Variants in BCAR1 observed in about 807,000 individuals in gnomAD.
The protein encoded by BCAR1 is BCAR1 scaffold protein, Cas family member.
In BCAR1, 30 loss-of-function variants were observed where a neutral mutation model predicts 67.6. The observed-to-expected ratio is 0.44, with a 90% CI of 0.33 to 0.60. BCAR1 has a LOEUF of 0.60. Among genes scored for constraint, BCAR1 ranks in the 20% least tolerant of loss-of-function variants. The pLI is 0.02. For synonymous variants in BCAR1, 626 were observed against 556.7 expected (o/e 1.12, Z -1.75); for missense variants, 1,313 against 1,222.3 (o/e 1.07, Z -1.11).
chr16:75,247,797 C>A, intron 1 of BCAR1: 1 of 529,220 alleles, frequency 1.9e-6, no homozygotes, highest in Non-Finnish European at 3.4e-6. Flanking sequence ...GGCCTGCACC[C>A]TTTCACCCAG....
intron 1 of BCAR1, chr16:75,263,139 G>A (rs982289455): frequency 1.3e-5 from 12 of 927,946 alleles, no homozygotes; most frequent in Admixed American, 1.2e-4. Context: ...ATCCCTCAAC[G>A]AAGGGGCACA....
rs760196468 is a variant in BCAR1, at chr16:75,235,977, C to T, written c.922G>A (p.Val308Ile). ...PPSNHHAVYD[V>I]PPSVSKDVPD... ...ACATCCTTGCTCACCGATGGAGGAACGTCGTAGACCTGGGGGACAAGCGGT... is the reference window on the plus strand; with the variant it reads ...ACATCCTTGCTCACCGATGGAGGAATGTCGTAGACCTGGGGGACAAGCGGT... Residue 308 changes from valine (V) to isoleucine (I), a missense_variant, in exon 5 of 7, where the codon GTT (valine) becomes ATT (isoleucine). Physicochemically the swap from Val to Ile is conservative, Grantham distance 29. This residue lies in a region of BCAR1 where 1,272 missense variants were observed against 1,137.5 expected (regional missense o/e 1.12). Transcript: ENST00000162330. 8.9e-6 allele frequency: 14 copies of T among 1,571,266 alleles called. No homozygotes were observed. The highest frequency in any genetic ancestry group is 2.7e-5 in the African/African-American group (2 of 74,200).
chr16:75,264,629 C>T lies in BCAR1; in HGVS notation c.66+3286G>A, dbSNP rs1379647140. The T allele has an allele frequency of 4.6e-5, 58 of 1,265,404 alleles. No homozygotes were observed. In the South Asian group the frequency reaches 6.2e-4, roughly 13 times the overall value. The allele number at this position is 1,265,404 out of a possible 1,614,324, so 78.4% of individuals were successfully genotyped here. A position where few individuals can be genotyped will look rare whatever the true frequency, so the allele number is the denominator to read the frequency against. On this transcript the variant is annotated intron_variant, in intron 1 of 6. Coordinates refer to the BCAR1 transcript ENST00000393422. ...GTAAATACATTACCACTTCTGGAGG[C>T]GAGCAGGAGCGGGCTCTTTAATTCC...
At position 75,229,967 on chromosome 16, in the gene BCAR1, C is replaced by A; in HGVS notation, c.2157G>T (p.Leu719=). ...GGGGTTGGGCTGGCGTCCAGTTGGCCAGGTCGTGGTCTATGGGCCGTGACA... is the reference window on the plus strand; with the variant it reads ...GGGGTTGGGCTGGCGTCCAGTTGGCAAGGTCGTGGTCTATGGGCCGTGACA... ...QEVSRPIDHD[L]ANWTPAQPLA... The change falls in exon 7 of 7, where the codon CTG becomes CTT. Residue 719 remains leucine (L), a synonymous_variant. Coordinates refer to ENST00000162330, the MANE Select transcript of BCAR1 (RefSeq NM_014567.5). The A allele has an allele frequency of 1.9e-6, 3 of 1,590,958 alleles. No individual in the cohort carries two copies. Among genetic ancestry groups the A allele is most frequent in the East Asian group, 2.2e-5 (1 of 44,502 alleles).
rs893095167 is a variant in BCAR1, at chr16:75,237,338, C to T, written c.640G>A (p.Val214Met). Residue 214 changes from valine (V) to methionine (M), a missense_variant, in exon 3 of 7, where the codon GTG (valine) becomes ATG (methionine). Physicochemically the swap from Val to Met is conservative, Grantham distance 21. This residue lies in a region of BCAR1 where 1,272 missense variants were observed against 1,137.5 expected (regional missense o/e 1.12). Coordinates refer to ENST00000162330, the MANE Select transcript of BCAR1 (RefSeq NM_014567.5). Reference protein sequence around the residue: ...EGTKPPAKVVVPTRVGQGYVY... With the variant: ...EGTKPPAKVVMPTRVGQGYVY... ...TAGCCCTGCCCCACGCGGGTGGGCA[C>T]CACCACCTGGGGGCAGAGAGCCGAC... The T allele has an allele frequency of 1.4e-6, 2 of 1,463,402 alleles. No homozygotes were observed. Among genetic ancestry groups the T allele is most frequent in the Non-Finnish European group, 9.0e-7 (1 of 1,109,142 alleles). 90.7% of individuals were successfully genotyped at this position (1,463,402 alleles called of 1,614,324 possible).
intron 1 of BCAR1, chr16:75,250,719 G>A (rs2077653930): frequency 1.0e-6 from 1 of 985,482 alleles, no homozygotes; most frequent in Non-Finnish European, 1.2e-6. Flanking sequence ...CTCCGACCCT[G>A]CTCTAGCTCT....
chr16:75,253,037 G>C (rs888621644), upstream of BCAR1, among the ~76,000 whole-genome samples: 4 of 152,228 alleles, frequency 2.6e-5, no homozygotes, highest in African/African-American at 9.6e-5. Flanking sequence ...AGGAGCAGTG[G>C]GATGAGACAG....
intron 1 of BCAR1, among the ~76,000 whole-genome samples, chr16:75,243,986 G>A (rs2077437413): frequency 6.6e-6 from 1 of 152,364 alleles, no homozygotes; most frequent in South Asian, 2.1e-4. Flanking sequence ...AGGTGTGAGG[G>A]AGGCACGGGG....
At chr16:75,266,813 T>A in intron 1 of BCAR1, 1 of 1,361,870 alleles carries the variant, frequency 7.3e-7, no homozygotes. Context: ...CAGAGCACTG[T>A]CCCGGAGGTC....
rs772825400 is a variant in BCAR1, at chr16:75,229,781, G to A, written c.2343C>T (p.His781=). 5 of 1,613,546 alleles carry A rather than the reference G, an allele frequency of 3.1e-6. No homozygotes were observed. In the Admixed American group the frequency reaches 5.0e-5, roughly 16 times the overall value. Residue 781 remains histidine, a synonymous_variant, in exon 7 of 7, where the codon CAC becomes CAT. Coordinates refer to ENST00000162330, the MANE Select transcript of BCAR1 (RefSeq NM_014567.5). The part of the protein sequence containing the change: ...TNQPPKIFVA[H]SKFVILSAHK... The stretch of plus-strand genomic sequence containing the variant: ...GGGCGCTGAGGATGACGAACTTGCT[G>A]TGCGCCACAAAGATCTTGGGCGGCT...
Position 75,235,914 on chromosome 16 carries a change from C to T in BCAR1, c.985G>A (p.Val329Met), listed in dbSNP as rs2077111921. ...GPLLREETYD[V>M]PPAFAKAKPF... is the part of the protein sequence containing the mutation. ...TTGGCCTTGGCGAAGGCGGGGGGCA[C>T]ATCGTAGGTCTCCTCACGCAGCAGT... Residue 329 changes from valine (V) to methionine (M), a missense_variant, in exon 5 of 7, where the codon GTG becomes ATG. Around this residue, in one of 2 missense-constraint regions of BCAR1, gnomAD observed 1,272 missense variants for 1,137.5 expected, o/e 1.12. Coordinates refer to ENST00000162330, the MANE Select transcript of BCAR1 (RefSeq NM_014567.5). 2 of 1,566,978 alleles carry T rather than the reference C, an allele frequency of 1.3e-6. No homozygotes were observed. The highest frequency in any genetic ancestry group is 1.7e-6 in the Non-Finnish European group (2 of 1,156,118).
At position 75,237,170 on chromosome 16, in the gene BCAR1, AC is replaced by A; in HGVS notation, c.795+12del. 6.4e-7 allele frequency: 1 copy of A among 1,551,458 alleles called. No homozygotes were observed. The highest frequency in any genetic ancestry group is 2.4e-5 in the East Asian group (1 of 41,658). On this transcript the variant is annotated intron_variant, in intron 3 of 6. Transcript: ENST00000162330. ...CCGCCCTGCCCTCCCACCGCTGCGCACCCCACACCTACCTCCTGGCCATACT... is the reference window on the plus strand; with the variant it reads ...CCGCCCTGCCCTCCCACCGCTGCGCACCCACACCTACCTCCTGGCCATACT...
intron 1 of BCAR1, chr16:75,248,367 GT>G: frequency 7.9e-7 from 1 of 1,268,026 alleles, no homozygotes; most frequent in Non-Finnish European, 1.0e-6. Flanking sequence ...CTTGGGCCAA[GT>G]TTATTTCTGG....
chr16:75,237,760 C>T (rs536241456), intron 2 of BCAR1, among the ~76,000 whole-genome samples: 8 of 152,302 alleles, frequency 5.3e-5, no homozygotes, highest in African/African-American at 9.6e-5. Flanking sequence ...GAGGCCACGT[C>T]GGAGGCCTGG....
At position 75,235,734 on chromosome 16, in the gene BCAR1, C is replaced by A. The variant is rs777311513; in HGVS notation, c.1165G>T (p.Val389Leu). 3 of 1,603,452 alleles carry A rather than the reference C, an allele frequency of 1.9e-6. No individual in the cohort carries two copies. The highest frequency in any genetic ancestry group is 1.1e-5 in the South Asian group (1 of 89,094). The part of the protein sequence containing the change: ...RRPGPGTLYD[V>L]PRERVLPPEV... ...GGAGGAAGCACCCGTTCACGGGGCA[C>A]ATCGTACAGGGTGCCCGGGCCAGGC... The change falls in exon 5 of 7, where the codon GTG (valine) becomes TTG (leucine). Residue 389 changes from valine to leucine, a missense_variant. Val to Leu is a conservative substitution (Grantham distance 32). Around this residue, in one of 2 missense-constraint regions of BCAR1, gnomAD observed 1,272 missense variants for 1,137.5 expected, o/e 1.12. Transcript: ENST00000162330.
chr16:75,265,486 G>C (rs2077987846), intron 1 of BCAR1, among the ~76,000 whole-genome samples: 1 of 152,144 alleles, frequency 6.6e-6, no homozygotes, highest in Non-Finnish European at 1.5e-5. Flanking sequence ...CGGGGTCCTG[G>C]CGGGCAACAG....
At position 75,235,324 on chromosome 16, in the gene BCAR1, C is replaced by T. The variant is rs369072927; in HGVS notation, c.1575G>A (p.Ala525=). The T allele has an allele frequency of 5.9e-5, 94 of 1,601,890 alleles. No homozygotes were observed. Among genetic ancestry groups the T allele is most frequent in the South Asian group, 9.9e-5 (9 of 90,952 alleles). Residue 525 remains alanine, a synonymous_variant, in exon 5 of 7, where the codon GCG becomes GCA. Transcript: ENST00000162330. ...VHELLEFARS[A]VGNAAHTSDR... The stretch of plus-strand genomic sequence containing the variant: ...CAGATGTGTGGGCAGCATTGCCCAC[C>T]GCGCTGCGGGCAAACTCCAACAGCT...
intron 1 of BCAR1, among the ~76,000 whole-genome samples, chr16:75,259,424 G>A (rs888890495): frequency 2.6e-5 from 4 of 152,172 alleles, no homozygotes; most frequent in Non-Finnish European, 4.4e-5. Context: ...TTTAAGTCTA[G>A]GAGGCCAGGT....
intron 2 of BCAR1, chr16:75,238,162 A>T (rs1458758223): frequency 1.7e-5 from 21 of 1,271,654 alleles, no homozygotes; most frequent in Non-Finnish European, 2.1e-5. Context: ...TGGCCTGCCC[A>T]GGGCCACAGG....
Sources: allele counts gnomAD v4.1 joint callset (sites outside exome capture counted in the v4.1 genomes callset), GRCh38; gene constraint gnomAD v4.1.1; regional missense constraint gnomAD v4.1.1; transcripts MANE v1.5; gene names NCBI Gene and HGNC (gene_info 2026-07-23, HGNC 2026-07-21).